Variants in DOP1A observed in about 807,000 individuals in gnomAD.
DOP1A encodes DOP1 leucine zipper like protein A.
Under a neutral mutation model 267.6 loss-of-function variants are expected in DOP1A, and 90 were observed. That is an observed-to-expected ratio of 0.34 (90% CI 0.28 to 0.40). DOP1A has a LOEUF of 0.40. Among genes scored for constraint, DOP1A ranks in the 10% least tolerant of loss-of-function variants. The pLI is 1.00. For missense variants in DOP1A, 2,437 were observed against 2,900.4 expected, an observed-to-expected ratio of 0.84 and a Z score of 3.67; for synonymous variants, 932 against 999.1, an observed-to-expected ratio of 0.93 and a Z score of 1.27.
In DOP1A at chr6:83,129,174, C is replaced by A. The variant is rs976132160; in HGVS notation, c.2007C>A (p.Ala669=). 4 of 1,612,720 alleles carry A rather than the reference C, an allele frequency of 2.5e-6. No individual in the cohort carries two copies. The African/African-American group carries it at 5.3e-5, about 22-fold the overall frequency. Residue 669 remains alanine, a synonymous_variant, in exon 16 of 39, where the codon GCC becomes GCA. Coordinates refer to ENST00000349129, the MANE Select transcript of DOP1A (RefSeq NM_015018.4). ...QGTATRSRKT[A]QKTAMQCCLE... ...CAGCAACCCGAAGTAGGAAGACAGC[C>A]CAAAAGACTGCAATGCAGTGCTGCT...
intron 1 of DOP1A, among the ~76,000 whole-genome samples, chr6:83,074,131 A>C (rs1470295213): frequency 6.6e-6 from 1 of 152,188 alleles, no homozygotes; most frequent in African/African-American, 2.4e-5. Flanking sequence ...TACACAGCTC[A>C]TTGTGATTTT....
intron 27 of DOP1A, 136 bp downstream of exon 27, chr6:83,148,999 G>T (rs1399780814): frequency 1.0e-5 from 5 of 501,158 alleles, no homozygotes; most frequent in Non-Finnish European, 1.6e-5. Flanking sequence ...TGCAAAACTA[G>T]ATGTATAAGG....
intron 27 of DOP1A, among the ~76,000 whole-genome samples, chr6:83,151,078 CAT>C (rs941828669): frequency 1.1e-4 from 16 of 152,300 alleles, no homozygotes; most frequent in African/African-American, 3.9e-4. Flanking sequence ...TTTTGTTCAA[CAT>C]ATGTTTATGA....
intron 1 of DOP1A, among the ~76,000 whole-genome samples, chr6:83,080,317 G>A (rs948940070): frequency 4.5e-4 from 68 of 152,184 alleles, no homozygotes; most frequent in African/African-American, 1.6e-3. Context: ...TATAGATACT[G>A]TTAATACAAT....
At chr6:83,107,239 G>A (rs1773776929) in intron 4 of DOP1A, among the ~76,000 whole-genome samples, 1 of 151,898 alleles carries the variant, frequency 6.6e-6, no homozygotes, top group Non-Finnish European at 1.5e-5. Context: ...AGTTCGGAAA[G>A]AAAAATTACA....
chr6:83,088,419 C>CTTTTT (rs746293399), intron 1 of DOP1A, among the ~76,000 whole-genome samples: 10 of 115,568 alleles, frequency 8.7e-5, no homozygotes, highest in South Asian at 3.1e-4. Flanking sequence ...TGTCTTCCAT[C>CTTTTT]TTTTTTTTTT....
At position 83,137,719 on chromosome 6, in the gene DOP1A, A is replaced by C. The variant is rs1265085434; in HGVS notation, c.3677A>C (p.Glu1226Ala). Residue 1226 changes from glutamate to alanine, a missense_variant, in exon 21 of 39, where the codon GAG (glutamate) becomes GCG (alanine). Around this residue, in one of 9 missense-constraint regions of DOP1A, gnomAD observed 878 missense variants for 992.9 expected, o/e 0.88. Coordinates refer to ENST00000349129, the MANE Select transcript of DOP1A (RefSeq NM_015018.4). ...FLSVSAEGGHECVANGISRNS... is the reference protein window; with the variant it reads ...FLSVSAEGGHACVANGISRNS... Reference sequence around the variant, plus strand: ...TCTGTGTCTGCAGAGGGAGGCCATGAGTGTGTGGCAAATGGAATCTCCAGG... The same window carrying C: ...TCTGTGTCTGCAGAGGGAGGCCATGCGTGTGTGGCAAATGGAATCTCCAGG... 2.5e-6 allele frequency: 4 copies of C among 1,613,684 alleles called. No individual in the cohort carries two copies. The Admixed American group carries it at 6.7e-5, about 27-fold the overall frequency.
chr6:83,157,499 A>T (rs1783056421), intron 35 of DOP1A, among the ~76,000 whole-genome samples, 181 bp downstream of exon 35: 1 of 152,238 alleles, frequency 6.6e-6, no homozygotes, highest in Admixed American at 6.5e-5. Context: ...CATACAGCTT[A>T]AATTTACAAA....
intron 1 of DOP1A, among the ~76,000 whole-genome samples, chr6:83,077,573 G>A (rs1210289953): frequency 6.6e-6 from 1 of 152,002 alleles, no homozygotes; most frequent in Non-Finnish European, 1.5e-5. Flanking sequence ...CTACTCAGGA[G>A]GCTAAGGCAA....
At chr6:83,139,979 A>T (rs1264805123) in intron 21 of DOP1A, 21 bp from the exon 22 acceptor site, 1 of 1,538,082 alleles carries the variant, frequency 6.5e-7, no homozygotes, top group Non-Finnish European at 9.0e-7. Context: ...CTTGTGTTTA[A>T]ATGAATGCAT....
chr6:83,138,129 C>G lies in DOP1A; in HGVS notation c.4087C>G (p.His1363Asp). The G allele has an allele frequency of 6.2e-7, 1 of 1,613,924 alleles. No homozygotes were observed. Among genetic ancestry groups the G allele is most frequent in the Non-Finnish European group, 8.5e-7 (1 of 1,179,888 alleles). Residue 1363 changes from histidine (H) to aspartate (D), a missense_variant, in exon 21 of 39, where the codon CAT becomes GAT. This residue lies in a region of DOP1A where 878 missense variants were observed against 992.9 expected (regional missense o/e 0.88). Transcript: ENST00000349129. ...GSRKSPNFNI[H>D]PLYQHVLLYL... ...TCGAAAATCTCCCAATTTCAACATTCATCCTCTCTATCAACATGTGCTCCT... is the reference window on the plus strand; with the variant it reads ...TCGAAAATCTCCCAATTTCAACATTGATCCTCTCTATCAACATGTGCTCCT...
intron 4 of DOP1A, among the ~76,000 whole-genome samples, chr6:83,106,620 C>T (rs1442913382): frequency 2.0e-5 from 3 of 151,794 alleles, no homozygotes; most frequent in Non-Finnish European, 4.4e-5. Flanking sequence ...GACCAGACTG[C>T]CCAACATGGT....
Position 83,164,882 on chromosome 6 carries a change from A to G in DOP1A, c.7092+1963A>G, listed in dbSNP as rs1212976110. On this transcript the variant is annotated intron_variant, in intron 38 of 38. Coordinates refer to ENST00000349129, the MANE Select transcript of DOP1A (RefSeq NM_015018.4). ...GTCAAAGGAGAAATCATTTGTATGG[A>G]AACATTTGACTTTATTTAATATTGA... is the stretch of plus-strand genomic sequence containing the variant. 12 of 596,938 alleles carry G rather than the reference A, an allele frequency of 2.0e-5. No homozygotes were observed. In the East Asian group the frequency reaches 3.2e-4, roughly 16 times the overall value. 37.0% of individuals were successfully genotyped at this position (596,938 alleles called of 1,614,324 possible).
Position 83,124,729 on chromosome 6 carries a change from G to C in DOP1A, c.1365G>C (p.Gln455His), listed in dbSNP as rs763170333. ...CCRRTLHVRL[Q>H]IGPGDSNDSS... Reference sequence around the variant, plus strand: ...GGAGGACACTGCATGTGAGACTTCAGATTGGACCTGGAGATAGTAATGACT... The same window carrying C: ...GGAGGACACTGCATGTGAGACTTCACATTGGACCTGGAGATAGTAATGACT... The change falls in exon 13 of 39, where the codon CAG (glutamine) becomes CAC (histidine). Residue 455 changes from glutamine (Q) to histidine (H), a missense_variant. Gln to His is a conservative substitution (Grantham distance 24). This residue lies in a region of DOP1A where 498 missense variants were observed against 513.5 expected (regional missense o/e 0.97). Transcript: ENST00000349129. 2.5e-5 allele frequency: 40 copies of C among 1,612,974 alleles called. No homozygotes were observed. The highest frequency in any genetic ancestry group is 1.7e-4 in the Middle Eastern group (1 of 6,046).
intron 1 of DOP1A, among the ~76,000 whole-genome samples, chr6:83,070,142 G>C (rs572179708): frequency 6.6e-6 from 1 of 152,222 alleles, no homozygotes; most frequent in South Asian, 2.1e-4. Flanking sequence ...TGCTGTTAAT[G>C]CACAATTTTG....
chr6:83,126,500 C>T (rs1465817263), intron 15 of DOP1A, among the ~76,000 whole-genome samples: 1 of 152,124 alleles, frequency 6.6e-6, no homozygotes, highest in Middle Eastern at 3.2e-3. Flanking sequence ...CTCTGCCCTT[C>T]TCTATCCTTC....
rs929112653 is a variant in DOP1A, at chr6:83,159,679, C to T, written c.6798-117C>T. The T allele has an allele frequency of 3.5e-6, 4 of 1,130,668 alleles. No homozygotes were observed. The African/African-American group carries it at 6.2e-5, about 18-fold the overall frequency. 70.0% of individuals were successfully genotyped at this position (1,130,668 alleles called of 1,614,324 possible). ...TCATCATGACCTTGCTTAGCAATTA[C>T]TGGCACATTTATCTCAGGATGATTA... is the stretch of plus-strand genomic sequence containing the variant. On this transcript the variant is annotated intron_variant, in intron 36 of 38. Transcript: ENST00000349129.
At chr6:83,120,825 T>A (rs375500447) in intron 10 of DOP1A, 34 bp downstream of exon 10, 357 of 1,382,352 alleles carry the variant, frequency 2.6e-4, no homozygotes, top group Non-Finnish European at 3.3e-4. Context: ...TAAGGTCATG[T>A]GTGGTACTTT....
chr6:83,130,497 C>G, intron 17 of DOP1A, 100 bp downstream of exon 17: 2 of 1,422,318 alleles, frequency 1.4e-6, no homozygotes, highest in Non-Finnish European at 1.9e-6. Context: ...GTTAATAAAG[C>G]TTCATTTAAA....
Sources: gnomAD v4.1 joint callset for allele counts (sites outside exome capture counted in the v4.1 genomes callset) on GRCh38, gnomAD v4.1.1 for gene constraint, gnomAD v4.1.1 regional missense constraint, MANE v1.5 for transcripts, NCBI Gene and HGNC (gene_info 2026-07-23, HGNC 2026-07-21) for gene names.